The following MTARC1 variants were observed in gnomAD, a reference collection of about 807,000 sequenced individuals.
The protein encoded by MTARC1 is mitochondrial amidoxime-reducing component 1.
A neutral mutation model predicts 33.6 loss-of-function variants in MTARC1; 24 were observed. The ratio of observed to expected loss-of-function variants is 0.72; its 90% CI spans 0.52 to 1.01. The LOEUF is 1.01. Ranked by LOEUF, MTARC1 falls within the 50% of genes least tolerant of loss-of-function variation. MTARC1 has a pLI of 0.00. For synonymous variants in MTARC1, 187 were observed against 189.5 expected (o/e 0.99, Z 0.11); for missense variants, 417 against 445.7 (o/e 0.94, Z 0.58).
chr1:220,808,785 C>T, intron 6 of MTARC1: 1 of 470,342 alleles, frequency 2.1e-6, no homozygotes. Context: ...AAAATGCTCA[C>T]AGCGGGAGGC....
chr1:220,787,885 G>C (rs1672290122), intron 1 of MTARC1, among the ~76,000 whole-genome samples: 1 of 152,166 alleles, frequency 6.6e-6, no homozygotes, highest in Non-Finnish European at 1.5e-5. Context: ...GCGCGCACCT[G>C]TAATCCCAGC....
In MTARC1 at chr1:220,786,965, C is replaced by A. The variant is rs1236395530; in HGVS notation, c.21C>A (p.Ser7=). The change falls in exon 1 of 7, where the codon TCC becomes TCA. Residue 7 remains serine, a synonymous_variant. Transcript: ENST00000366910. MGAAGS[S]ALARFVLLAQ... ...CAGCCATGGGCGCCGCCGGCTCCTC[C>A]GCGCTGGCGCGCTTTGTCCTCCTCG... 8.0e-7 allele frequency: 1 copy of A among 1,245,924 alleles called. No individual in the cohort carries two copies. Among genetic ancestry groups the A allele is most frequent in the Non-Finnish European group, 1.0e-6 (1 of 997,896 alleles). The allele number at this position is 1,245,924 out of a possible 1,614,324, so 77.2% of individuals were successfully genotyped here.
Position 220,791,482 on chromosome 1 carries a change from A to T in MTARC1, c.276-9A>T. 6.2e-7 allele frequency: 1 copy of T among 1,613,490 alleles called. No homozygotes were observed. The highest frequency in any genetic ancestry group is 8.5e-7 in the Non-Finnish European group (1 of 1,179,652). On this transcript the variant is annotated splice_polypyrimidine_tract_variant and intron_variant, in intron 1 of 6. Coordinates refer to ENST00000366910, the MANE Select transcript of MTARC1 (RefSeq NM_022746.4). ...GGTTCACACATATCCTGTGTTTTGA[A>T]AACGGCAGGTTTTGGCTTGTGATCA... is the stretch of plus-strand genomic sequence containing the variant.
chr1:220,787,346 G>T lies in MTARC1; in HGVS notation c.275+127G>T, dbSNP rs1672267718. The stretch of plus-strand genomic sequence containing the variant: ...CTTCCTCCTATTACAAAGAAACTGG[G>T]AGTTGGGTGAGACAAGGCCAAAGAG... On this transcript the variant is annotated intron_variant, in intron 1 of 6. Transcript: ENST00000366910. 3.7e-6 allele frequency: 5 copies of T among 1,334,424 alleles called. No individual in the cohort carries two copies. The Admixed American group carries it at 1.8e-4, about 49-fold the overall frequency. 82.7% of individuals were successfully genotyped at this position (1,334,424 alleles called of 1,614,324 possible). A position where few individuals can be genotyped will look rare whatever the true frequency, so the allele number is the denominator to read the frequency against.
Position 220,786,938 on chromosome 1 carries a change from G to A in MTARC1, c.-7G>A, listed in dbSNP as rs1558081274. On this transcript the variant is annotated 5_prime_UTR_variant, in exon 1 of 7. Transcript: ENST00000366910. ...CTTGCCGCCGCCACCTCGCGGAGAA[G>A]CCAGCCATGGGCGCCGCCGGCTCCT... 8.1e-7 allele frequency: 1 copy of A among 1,235,932 alleles called. No homozygotes were observed. The allele number at this position is 1,235,932 out of a possible 1,614,324, so 76.6% of individuals were successfully genotyped here. A position where few individuals can be genotyped will look rare whatever the true frequency, so the allele number is the denominator to read the frequency against.
At position 220,813,489 on chromosome 1, in the gene MTARC1, T is replaced by C; in HGVS notation, c.*71T>C. On this transcript the variant is annotated 3_prime_UTR_variant, in exon 7 of 7. Transcript: ENST00000366910. ...CTCAAAAATGACAACACTTGAAGCATGGTGTTTCAGAACTGAGACCTCTAC... is the reference window on the plus strand; with the variant it reads ...CTCAAAAATGACAACACTTGAAGCACGGTGTTTCAGAACTGAGACCTCTAC... 6.3e-7 allele frequency: 1 copy of C among 1,582,294 alleles called. No individual in the cohort carries two copies. The highest frequency in any genetic ancestry group is 1.1e-5 in the South Asian group (1 of 89,326).
chr1:220,795,539 C>T (rs1672582043), intron 2 of MTARC1, among the ~76,000 whole-genome samples: 1 of 152,140 alleles, frequency 6.6e-6, no homozygotes, highest in African/African-American at 2.4e-5. Flanking sequence ...AAAAAAGAAA[C>T]TTTATGTAGT....
rs72472325 is a variant in MTARC1 at position 220,802,492 on chromosome 1, T to C, written c.754-2560T>C. ...GATTACAGGCAGACGCCACCATGCC[T>C]GGCTAGTTTTTGTATTTTTAGTATA... On this transcript the variant is annotated intron_variant, in intron 4 of 6. Transcript: ENST00000366910. 5.2e-3 allele frequency among the ~76,000 whole-genome samples: 795 copies of C among 152,286 alleles called. 13 individuals are homozygous for C. The highest frequency in any genetic ancestry group is 0.051 in the South Asian group (246 of 4,828).
intron 2 of MTARC1, 42 bp downstream of exon 2, chr1:220,791,706 T>A: frequency 1.3e-6 from 2 of 1,594,908 alleles, no homozygotes; most frequent in Non-Finnish European, 1.7e-6. Flanking sequence ...GAATGAATAG[T>A]CATGCAATTT....
Position 220,814,286 on chromosome 1 carries a change from T to A in MTARC1, c.*868T>A, listed in dbSNP as rs1358137052. The A allele has an allele frequency of 6.6e-6, 1 of 152,258 alleles. No homozygotes were observed. The highest frequency in any genetic ancestry group is 2.4e-5 in the African/African-American group (1 of 41,470). 9.4% of individuals were successfully genotyped at this position (152,258 alleles called of 1,614,324 possible). On this transcript the variant is annotated 3_prime_UTR_variant, in exon 7 of 7. Coordinates refer to ENST00000366910, the MANE Select transcript of MTARC1 (RefSeq NM_022746.4). Reference sequence around the variant, plus strand: ...CTGATTGTATAACTCTAAGATCTGATGAAGTATATTTTTTATTGCCATTTT... The same window carrying A: ...CTGATTGTATAACTCTAAGATCTGAAGAAGTATATTTTTTATTGCCATTTT...
chr1:220,793,243 A>G (rs1331668837), intron 2 of MTARC1: 1 of 152,154 alleles, frequency 6.6e-6, no homozygotes, highest in Non-Finnish European at 1.5e-5. Flanking sequence ...TCTGTATTTC[A>G]TGTTTGTCCA....
intron 6 of MTARC1, among the ~76,000 whole-genome samples, chr1:220,806,367 C>T (rs72472345): frequency 1.3e-5 from 2 of 152,124 alleles, no homozygotes; most frequent in South Asian, 2.1e-4. Flanking sequence ...CTGACTTGGC[C>T]TCCCCAGGTG....
chr1:220,786,927 C>T lies in MTARC1; in HGVS notation c.-18C>T. On this transcript the variant is annotated 5_prime_UTR_variant, in exon 1 of 7. Transcript: ENST00000366910. ...CGCGCTCCGGCCTTGCCGCCGCCACCTCGCGGAGAAGCCAGCCATGGGCGC... is the reference window on the plus strand; with the variant it reads ...CGCGCTCCGGCCTTGCCGCCGCCACTTCGCGGAGAAGCCAGCCATGGGCGC... The T allele has an allele frequency of 3.2e-6, 4 of 1,231,520 alleles. No individual in the cohort carries two copies. Among genetic ancestry groups the T allele is most frequent in the Non-Finnish European group, 2.0e-6 (2 of 988,782 alleles). The allele number at this position is 1,231,520 out of a possible 1,614,324, so 76.3% of individuals were successfully genotyped here. A position where few individuals can be genotyped will look rare whatever the true frequency, so the allele number is the denominator to read the frequency against.
chr1:220,789,851 G>A (rs1014929153), intron 1 of MTARC1, among the ~76,000 whole-genome samples: 4 of 152,190 alleles, frequency 2.6e-5, no homozygotes, highest in Non-Finnish European at 5.9e-5. Context: ...TATATGAAAT[G>A]TCTAGTGGAT....
chr1:220,800,747 C>T (rs754859298), intron 4 of MTARC1, among the ~76,000 whole-genome samples: 1 of 152,144 alleles, frequency 6.6e-6, no homozygotes, highest in Non-Finnish European at 1.5e-5. Flanking sequence ...GGTATCCACC[C>T]CAAAGCCTGC....
Position 220,801,924 on chromosome 1 carries a change from A to T in MTARC1, c.754-3128A>T, listed in dbSNP as rs72472319. ...CCTTCATCATCGGCACTCCCCACACACATTTCTTACACCTCACTTCTCCCT... is the reference window on the plus strand; with the variant it reads ...CCTTCATCATCGGCACTCCCCACACTCATTTCTTACACCTCACTTCTCCCT... On this transcript the variant is annotated intron_variant, in intron 4 of 6. Transcript: ENST00000366910. Among the ~76,000 whole-genome samples the T allele has an allele frequency of 5.6e-3, 855 of 152,014 alleles. 13 individuals are homozygous for T. The highest frequency in any genetic ancestry group is 0.051 in the East Asian group (262 of 5,162).
intron 4 of MTARC1, 38 bp downstream of exon 4, chr1:220,798,052 A>C: frequency 6.2e-7 from 1 of 1,613,946 alleles, no homozygotes; most frequent in Non-Finnish European, 8.5e-7. Context: ...CTTGGATTTG[A>C]CTTCTTTTTT....
At position 220,796,679 on chromosome 1, in the gene MTARC1, C is replaced by T. The variant is rs745393240; in HGVS notation, c.486C>T (p.Gly162=). The T allele has an allele frequency of 2.0e-5, 32 of 1,610,906 alleles. No homozygotes were observed. Among genetic ancestry groups the T allele is most frequent in the South Asian group, 7.7e-5 (7 of 90,442 alleles). Residue 162 remains glycine, a synonymous_variant, in exon 3 of 7, where the codon GGC becomes GGT. Transcript: ENST00000366910. The part of the protein sequence containing the change: ...HGLEIEGRDC[G]EATAQWITSF... ...TGGAGATAGAGGGCAGGGACTGTGG[C>T]GAGGCCACCGCCCAGTGGATAACCA... is the stretch of plus-strand genomic sequence containing the variant.
At chr1:220,791,450 C>G in intron 1 of MTARC1, 41 bp from the exon 2 acceptor site, 9 of 1,597,992 alleles carry the variant, frequency 5.6e-6, no homozygotes, top group Non-Finnish European at 7.7e-6. Flanking sequence ...TGGCTTCCTG[C>G]CATAATGGTT....
Sources: allele counts gnomAD v4.1 joint callset (sites outside exome capture counted in the v4.1 genomes callset), GRCh38; gene constraint gnomAD v4.1.1; transcripts MANE v1.5; gene names NCBI Gene and HGNC (gene_info 2026-07-23, HGNC 2026-07-21).